SENP7: variants seen among roughly 807,000 people sequenced by gnomAD.
The protein encoded by SENP7 is sentrin-specific protease 7.
Under a neutral mutation model 141.2 loss-of-function variants are expected in SENP7, and 64 were observed. That is an observed-to-expected ratio of 0.45 (90% CI 0.37 to 0.56). The LOEUF (loss-of-function observed/expected upper bound fraction) is 0.56. Among genes scored for constraint, SENP7 ranks in the 20% least tolerant of loss-of-function variants. SENP7 has a pLI of 0.00. For missense variants in SENP7, 1,025 were observed against 1,212.2 expected (o/e 0.85, Z 2.29); for synonymous variants, 382 against 426.4 (o/e 0.90, Z 1.28).
intron 3 of SENP7, among the ~76,000 whole-genome samples, chr3:101,486,598 G>A (rs929799938): frequency 1.3e-5 from 2 of 152,108 alleles, no homozygotes; most frequent in Admixed American, 1.3e-4. Context: ...CAAGAACTGA[G>A]AAAAGGAGCT....
intron 4 of SENP7, among the ~76,000 whole-genome samples, chr3:101,431,900 T>C (rs1373167114): frequency 6.6e-6 from 1 of 152,212 alleles, no homozygotes; most frequent in African/African-American, 2.4e-5. Flanking sequence ...AAAGGAGTTA[T>C]CTTATTCTTT....
intron 4 of SENP7, among the ~76,000 whole-genome samples, chr3:101,425,472 C>A (rs926262334): frequency 1.3e-5 from 2 of 152,098 alleles, no homozygotes; most frequent in Non-Finnish European, 2.9e-5. Flanking sequence ...ACAATCAAAC[C>A]CTCAAAGTCA....
rs1344219683 is a variant in SENP7, at chr3:101,513,154, G to C, written c.-24C>G. 1 of 1,437,136 alleles carries C rather than the reference G, an allele frequency of 7.0e-7. No individual in the cohort carries two copies. The highest frequency in any genetic ancestry group is 9.3e-7 in the Non-Finnish European group (1 of 1,075,284). The allele number at this position is 1,437,136 out of a possible 1,614,324, so 89.0% of individuals were successfully genotyped here. ...ATCTTCTCCCGCTGCTGAAATTTCA[G>C]TTGCAGGCGCTGTCACCTCAGGACC... On this transcript the variant is annotated 5_prime_UTR_variant, in exon 1 of 24. Coordinates refer to ENST00000394095, the MANE Select transcript of SENP7 (RefSeq NM_020654.5).
At chr3:101,472,820 G>A (rs1430200742) in intron 3 of SENP7, among the ~76,000 whole-genome samples, 3 of 151,864 alleles carry the variant, frequency 2.0e-5, no homozygotes, top group Non-Finnish European at 4.4e-5. Context: ...GTAAACTTAT[G>A]TCATGGGGGG....
chr3:101,351,752 T>A (rs751881284), intron 11 of SENP7, 101 bp from the exon 12 acceptor site: 1 of 871,968 alleles, frequency 1.1e-6, no homozygotes, highest in Non-Finnish European at 1.5e-6. Flanking sequence ...AAAGTCTACA[T>A]TATAAGTGCT....
chr3:101,349,119 T>G (rs1335556718), intron 12 of SENP7, among the ~76,000 whole-genome samples: 3 of 152,198 alleles, frequency 2.0e-5, no homozygotes, highest in Non-Finnish European at 4.4e-5. Flanking sequence ...GTGATTCACA[T>G]GAACATTAAA....
chr3:101,333,130 T>G, intron 17 of SENP7: 1 of 395,712 alleles, frequency 2.5e-6, no homozygotes, highest in Non-Finnish European at 4.4e-6. Context: ...GCTGTGCAAC[T>G]TAGTATAAAC....
chr3:101,481,218 A>G (rs62280737), intron 3 of SENP7, among the ~76,000 whole-genome samples: 21,168 of 152,210 alleles, frequency 0.14, 1,501 homozygotes, highest in South Asian at 0.18. Context: ...CACAACAGCA[A>G]TGATATAGAA....
At chr3:101,393,941 A>G (rs1380765686) in intron 6 of SENP7, among the ~76,000 whole-genome samples, 1 of 152,214 alleles carries the variant, frequency 6.6e-6, no homozygotes, top group Admixed American at 6.5e-5. Context: ...CATCACCTCA[A>G]GTATTTATCA....
chr3:101,357,934 T>C (rs1269803834), intron 11 of SENP7: 8 of 653,888 alleles, frequency 1.2e-5, no homozygotes, highest in Middle Eastern at 3.0e-4. Context: ...CCTACAGATG[T>C]AGAGAACGTG....
chr3:101,497,969 AT>A (rs1184160873), intron 2 of SENP7, among the ~76,000 whole-genome samples: 1 of 151,958 alleles, frequency 6.6e-6, no homozygotes, highest in Admixed American at 6.6e-5. Context: ...TGCCCAGCTA[AT>A]TTTTTTTGTA....
rs529316369 is a variant in SENP7 at position 101,423,101 on chromosome 3, C to CA, written c.285-5312dup. Among the ~76,000 whole-genome samples the CA allele has an allele frequency of 2.3e-3, 341 of 149,704 alleles. 2 individuals are homozygous for CA. Among genetic ancestry groups the CA allele is most frequent in the Non-Finnish European group, 3.0e-3 (204 of 67,424 alleles). Reference sequence around the variant, plus strand: ...TTTATTTAGAGTATTTCTTGTCCTTCAAAAAAAAATGGACAAAACATTTGG... The same window carrying CA: ...TTTATTTAGAGTATTTCTTGTCCTTCAAAAAAAAAATGGACAAAACATTTGG... On this transcript the variant is annotated intron_variant, in intron 4 of 23. Transcript: ENST00000394095.
chr3:101,405,557 A>G (rs902114939), intron 5 of SENP7, among the ~76,000 whole-genome samples: 1 of 152,216 alleles, frequency 6.6e-6, no homozygotes, highest in Admixed American at 6.5e-5. Flanking sequence ...GCTCACCAGC[A>G]ATGGACTCAA....
intron 3 of SENP7, among the ~76,000 whole-genome samples, chr3:101,479,338 G>A (rs1242967747): frequency 6.6e-6 from 1 of 152,148 alleles, no homozygotes; most frequent in Admixed American, 6.5e-5. Context: ...ATCTCAGCTG[G>A]GTGCAGTGGC....
At chr3:101,407,099 T>A (rs2061328964) in intron 5 of SENP7, among the ~76,000 whole-genome samples, 1 of 152,004 alleles carries the variant, frequency 6.6e-6, no homozygotes, top group Non-Finnish European at 1.5e-5. Flanking sequence ...TAGAAACACA[T>A]CAAAACAGAA....
rs188667897 is a variant in SENP7 at position 101,392,010 on chromosome 3, A to T, written c.677+6851T>A. On this transcript the variant is annotated intron_variant, in intron 6 of 23. Transcript: ENST00000394095. ...AGATGCAAAAAAAGCATTTGATAAT[A>T]TTCAATATCCCCCCATGATAAAAAC... Among the ~76,000 whole-genome samples, 4 of 152,320 alleles carry T rather than the reference A, an allele frequency of 2.6e-5. No homozygotes were observed. The East Asian group carries it at 7.7e-4, about 29-fold the overall frequency.
At chr3:101,500,425 C>T (rs1425143448) in intron 2 of SENP7, among the ~76,000 whole-genome samples, 1 of 151,874 alleles carries the variant, frequency 6.6e-6, no homozygotes, top group East Asian at 1.9e-4. Context: ...GTCATGGTGG[C>T]ACATCCCTGT....
rs1559727755 is a variant in SENP7, at chr3:101,368,042, C to A, written c.797-31G>T. ...AAAACAAATGAAGCATAAATATGGACAAAAAAGTATAGAGAGAATCTCTTT... is the reference window on the plus strand; with the variant it reads ...AAAACAAATGAAGCATAAATATGGAAAAAAAAGTATAGAGAGAATCTCTTT... On this transcript the variant is annotated intron_variant, in intron 7 of 23. Coordinates refer to ENST00000394095, the MANE Select transcript of SENP7 (RefSeq NM_020654.5). The A allele has an allele frequency of 9.2e-6, 14 of 1,529,522 alleles. No individual in the cohort carries two copies. The Admixed American group carries it at 1.5e-4, about 17-fold the overall frequency. 94.7% of individuals were successfully genotyped at this position (1,529,522 alleles called of 1,614,324 possible).
At chr3:101,370,371 T>C (rs1027047432) in intron 7 of SENP7, among the ~76,000 whole-genome samples, 1 of 152,096 alleles carries the variant, frequency 6.6e-6, no homozygotes, top group African/African-American at 2.4e-5. Context: ...AATACTTACA[T>C]TTTTACTTGG....
Sources: allele counts gnomAD v4.1 joint callset (sites outside exome capture counted in the v4.1 genomes callset), GRCh38; gene constraint gnomAD v4.1.1; transcripts MANE v1.5; gene names NCBI Gene and HGNC (gene_info 2026-07-23, HGNC 2026-07-21).